The following ACTR2 variants were observed in gnomAD, a reference collection of about 807,000 sequenced individuals.
ACTR2 encodes the protein actin-related protein 2.
Under a neutral mutation model 50.2 loss-of-function variants are expected in ACTR2, and 5 were observed. The ratio of observed to expected loss-of-function variants is 0.10; its 90% confidence interval spans 0.05 to 0.21. The LOEUF (loss-of-function observed/expected upper bound fraction) is 0.21, where lower values mean the gene tolerates loss of function less well. ACTR2 is among the 10% of genes least tolerant of loss of function. ACTR2 has a pLI of 1.00. For missense variants in ACTR2, 180 were observed against 480.6 expected (o/e 0.37, Z 5.85); for synonymous variants, 140 against 162.9 (o/e 0.86, Z 1.07).
At chr2:65,240,484 G>A (rs933068030) in intron 2 of ACTR2, among the ~76,000 whole-genome samples, 7 of 152,096 alleles carry the variant, frequency 4.6e-5, no homozygotes, top group African/African-American at 1.7e-4. Flanking sequence ...GCAGAAGGAA[G>A]CCATTCAAGC....
intron 5 of ACTR2, among the ~76,000 whole-genome samples, chr2:65,254,571 C>T (rs1672112863): frequency 6.6e-6 from 1 of 152,138 alleles, no homozygotes; most frequent in Non-Finnish European, 1.5e-5. Context: ...CTCTCCAGGA[C>T]AGTGGTTCTC....
At chr2:65,246,421 AAG>A in intron 2 of ACTR2, 101 bp from the exon 3 acceptor site, 1 of 798,858 alleles carries the variant, frequency 1.3e-6, no homozygotes, top group Non-Finnish European at 1.9e-6. Context: ...GTGGAATAAA[AAG>A]ATTTATTTTG....
chr2:65,229,110 A>C (rs1671587564), intron 1 of ACTR2, among the ~76,000 whole-genome samples: 1 of 152,060 alleles, frequency 6.6e-6, no homozygotes, highest in African/African-American at 2.4e-5. Context: ...TGTTTCATTC[A>C]GACCTCCCTC....
intron 6 of ACTR2, among the ~76,000 whole-genome samples, chr2:65,259,929 A>G (rs1290932070): frequency 6.6e-6 from 1 of 152,240 alleles, no homozygotes; most frequent in Non-Finnish European, 1.5e-5. Flanking sequence ...TGTGTGACTG[A>G]CAAGATTTTT....
chr2:65,239,077 G>A (rs1336688678), intron 1 of ACTR2, among the ~76,000 whole-genome samples: 1 of 152,198 alleles, frequency 6.6e-6, no homozygotes, highest in Non-Finnish European at 1.5e-5. Flanking sequence ...CATTCTCTAA[G>A]CGATTTGCCC....
chr2:65,257,023 G>A (rs570548561), intron 6 of ACTR2, among the ~76,000 whole-genome samples: 1 of 152,110 alleles, frequency 6.6e-6, no homozygotes, highest in South Asian at 2.1e-4. Flanking sequence ...GTACACATGT[G>A]CCATGGTGGT....
chr2:65,250,371 G>GAA (rs997970127), intron 3 of ACTR2, among the ~76,000 whole-genome samples: 2 of 132,322 alleles, frequency 1.5e-5, no homozygotes, highest in African/African-American at 2.8e-5. Flanking sequence ...CTCAAAAAAA[G>GAA]AAAAAAAAAA....
chr2:65,249,946 T>C (rs1290840279), intron 3 of ACTR2, among the ~76,000 whole-genome samples: 1 of 152,198 alleles, frequency 6.6e-6, no homozygotes, highest in Non-Finnish European at 1.5e-5. Flanking sequence ...TTTTTTATTT[T>C]TTCTTTCTTT....
chr2:65,228,088 C>A (rs979277046), intron 1 of ACTR2, 131 bp downstream of exon 1: 1 of 818,318 alleles, frequency 1.2e-6, no homozygotes, highest in East Asian at 3.4e-5. Context: ...CGGTGCCTCC[C>A]ACCTCCGCGG....
At chr2:65,242,802 C>T (rs974711868) in intron 2 of ACTR2, among the ~76,000 whole-genome samples, 12 of 152,046 alleles carry the variant, frequency 7.9e-5, no homozygotes, top group African/African-American at 2.9e-4. Context: ...AGATACTTTT[C>T]AAGTTTGTTT....
chr2:65,263,828 G>A (rs922563644), intron 7 of ACTR2, among the ~76,000 whole-genome samples: 4 of 133,324 alleles, frequency 3.0e-5, no homozygotes, highest in African/African-American at 5.5e-5. Context: ...TCACGAGGCC[G>A]GCGAATCACG....
Position 65,271,237 on chromosome 2 carries a change from G to A in ACTR2, c.*2503G>A, listed in dbSNP as rs1470442447. ...CATTTTGATTGAGAAAATAAAATCA[G>A]ATTTTTTCAAAGTCAATTTGAATTT... On this transcript the variant is annotated 3_prime_UTR_variant, in exon 9 of 9. Coordinates refer to ENST00000260641, the MANE Select transcript of ACTR2 (RefSeq NM_005722.4). 1 of 152,076 alleles carries A rather than the reference G, an allele frequency of 6.6e-6. No individual in the cohort carries two copies. The highest frequency in any genetic ancestry group is 1.5e-5 in the Non-Finnish European group (1 of 68,000). 9.4% of individuals were successfully genotyped at this position (152,076 alleles called of 1,614,324 possible).
At chr2:65,236,644 G>A (rs1164930066) in intron 1 of ACTR2, among the ~76,000 whole-genome samples, 2 of 151,948 alleles carry the variant, frequency 1.3e-5, no homozygotes, top group Non-Finnish European at 2.9e-5. Context: ...GCAGTGGCGT[G>A]ATCTCAGCTC....
At chr2:65,264,387 A>C (rs1343635750) in intron 7 of ACTR2, among the ~76,000 whole-genome samples, 2 of 152,194 alleles carry the variant, frequency 1.3e-5, no homozygotes, top group Admixed American at 1.3e-4. Flanking sequence ...AATGGGTGCA[A>C]ATCAGCTCCC....
chr2:65,259,932 A>G (rs529359348), intron 6 of ACTR2, among the ~76,000 whole-genome samples: 8 of 152,178 alleles, frequency 5.3e-5, no homozygotes, highest in East Asian at 1.9e-4. Flanking sequence ...GTGACTGACA[A>G]GATTTTTTTG....
chr2:65,239,884 T>C lies in ACTR2; in HGVS notation c.81T>C (p.Phe27=). The part of the protein sequence containing the change: ...FVKCGYAGSN[F]PEHIFPALVG... Reference sequence around the variant, plus strand: ...AGTGTGGATATGCAGGCTCTAACTTTCCAGAACACATCTTCCCAGCTTTGG... The same window carrying C: ...AGTGTGGATATGCAGGCTCTAACTTCCCAGAACACATCTTCCCAGCTTTGG... Residue 27 remains phenylalanine (F), a synonymous_variant, in exon 2 of 9, where the codon TTT becomes TTC. Transcript: ENST00000260641. The C allele has an allele frequency of 2.5e-6, 4 of 1,613,138 alleles. No individual in the cohort carries two copies. Among genetic ancestry groups the C allele is most frequent in the East Asian group, 2.2e-5 (1 of 44,838 alleles).
intron 3 of ACTR2, 103 bp from the exon 4 acceptor site, chr2:65,250,924 T>C: frequency 1.5e-6 from 1 of 649,994 alleles, no homozygotes; most frequent in Non-Finnish European, 2.5e-6. Flanking sequence ...GTCCATTTGA[T>C]TCTATTTTGG....
At position 65,242,017 on chromosome 2, in the gene ACTR2, C is replaced by G. The variant is rs1322071704; in HGVS notation, c.159+2055C>G. The G allele has an allele frequency of 1.9e-6, 3 of 1,605,432 alleles. No individual in the cohort carries two copies. In the African/African-American group the frequency reaches 4.0e-5, roughly 21 times the overall value. The stretch of plus-strand genomic sequence containing the variant: ...TTTCTGACTCTTACTTCTACCTTCT[C>G]TCTCTTCACCTTTCTTGACCCGTTG... On this transcript the variant is annotated intron_variant, in intron 2 of 8. Coordinates refer to ENST00000260641, the MANE Select transcript of ACTR2 (RefSeq NM_005722.4).
intron 2 of ACTR2, among the ~76,000 whole-genome samples, chr2:65,243,716 G>A (rs1671882982): frequency 6.6e-6 from 1 of 152,172 alleles, no homozygotes; most frequent in African/African-American, 2.4e-5. Flanking sequence ...AGTTTACTCT[G>A]TATTCTAATT....
Sources: allele counts gnomAD v4.1 joint callset (sites outside exome capture counted in the v4.1 genomes callset), GRCh38; gene constraint gnomAD v4.1.1; transcripts MANE v1.5; gene names NCBI Gene and HGNC (gene_info 2026-07-23, HGNC 2026-07-21).